ARFGEF1: variants seen among roughly 807,000 people sequenced by gnomAD.
The protein encoded by ARFGEF1 is brefeldin A-inhibited guanine nucleotide-exchange protein 1.
A neutral mutation model predicts 231.0 loss-of-function variants in ARFGEF1; 42 were observed. The ratio of observed to expected loss-of-function variants is 0.18; its 90% confidence interval spans 0.14 to 0.24. ARFGEF1 has a LOEUF of 0.24. ARFGEF1 is among the 10% of genes least tolerant of loss of function. The pLI is 1.00. For synonymous variants in ARFGEF1, 710 were observed against 732.3 expected (o/e 0.97, Z 0.49); for missense variants, 1,345 against 2,192.0 (o/e 0.61, Z 7.72).
rs186306121 is a variant in ARFGEF1 at position 67,278,619 on chromosome 8, G to A, written c.1028-1162C>T. ...TCCCAGCACTTTGGGAGGCCGAGGC[G>A]GGTGGATCACGAGGTCAGGAGTTCG... On this transcript the variant is annotated intron_variant, in intron 7 of 38. Transcript: ENST00000262215. Among the ~76,000 whole-genome samples the A allele has an allele frequency of 3.0e-3, 462 of 152,132 alleles. 13 individuals carry two copies. Among genetic ancestry groups the A allele is most frequent in the Admixed American group, 0.027 (411 of 15,272 alleles).
At chr8:67,201,778 C>G (rs1185136808) in intron 36 of ARFGEF1, 173 bp from the exon 37 acceptor site, 1 of 809,410 alleles carries the variant, frequency 1.2e-6, no homozygotes, top group African/African-American at 1.8e-5. Context: ...AATTCCCTCC[C>G]TATTCAAGCT....
chr8:67,223,646 C>A (rs1009716906), intron 29 of ARFGEF1, among the ~76,000 whole-genome samples: 1 of 152,104 alleles, frequency 6.6e-6, no homozygotes, highest in African/African-American at 2.4e-5. Context: ...TACCCATAAT[C>A]TGAACATGGA....
rs747164390 is a variant in ARFGEF1, at chr8:67,206,410, TAA to T, written c.4820-1593_4820-1592del. Among the ~76,000 whole-genome samples, 207 of 102,022 alleles carry T rather than the reference TAA, an allele frequency of 2.0e-3. 1 individual carries two copies. The highest frequency in any genetic ancestry group is 7.4e-3 in the African/African-American group (189 of 25,490). 66.9% of individuals were successfully genotyped at this position (102,022 alleles called of 152,430 possible). On this transcript the variant is annotated intron_variant, in intron 34 of 38. Coordinates refer to ENST00000262215, the MANE Select transcript of ARFGEF1 (RefSeq NM_006421.5). The stretch of plus-strand genomic sequence containing the variant: ...GGGCAACAGAGCCAGATTTTATCTT[TAA>T]AAAAAAAAAAAAAAAAAAAAAAGTT...
intron 1 of ARFGEF1, among the ~76,000 whole-genome samples, chr8:67,324,208 C>A (rs111642963): frequency 0.023 from 3,516 of 152,222 alleles, 92 homozygotes; most frequent in South Asian, 0.047. Flanking sequence ...GAAGGTGGGG[C>A]GCTTGAACAT....
intron 1 of ARFGEF1, among the ~76,000 whole-genome samples, chr8:67,321,163 G>C (rs1807571628): frequency 6.8e-6 from 1 of 147,568 alleles, no homozygotes; most frequent in South Asian, 2.1e-4. Flanking sequence ...CTATAAGTAT[G>C]GGGGGGGGTT....
downstream of ARFGEF1, among the ~76,000 whole-genome samples, chr8:67,197,245 G>A (rs1838066113): frequency 6.6e-6 from 1 of 152,016 alleles, no homozygotes; most frequent in South Asian, 2.1e-4. Context: ...CCAAGAGTTT[G>A]AGACCAGCCT....
intron 20 of ARFGEF1, among the ~76,000 whole-genome samples, chr8:67,239,191 A>G (rs1247645259): frequency 2.6e-5 from 4 of 151,672 alleles, no homozygotes; most frequent in Non-Finnish European, 5.9e-5. Flanking sequence ...TATCTTTAGT[A>G]GAGACGGGGT....
intron 22 of ARFGEF1, among the ~76,000 whole-genome samples, chr8:67,234,921 C>T (rs1386155883): frequency 6.6e-6 from 1 of 151,704 alleles, no homozygotes; most frequent in African/African-American, 2.4e-5. Context: ...ACTTGACACG[C>T]ACAGCATGTT....
At chr8:67,179,953 A>G in intron 5 of ARFGEF1, 1 of 1,308,146 alleles carries the variant, frequency 7.6e-7, no homozygotes, top group Non-Finnish European at 1.1e-6. Context: ...TATTAAGGCT[A>G]TATTGTTTAA....
intron 1 of ARFGEF1, 30 bp downstream of exon 1, chr8:67,343,134 C>T (rs759700916): frequency 2.6e-6 from 4 of 1,514,304 alleles, no homozygotes; most frequent in Admixed American, 1.8e-5. Context: ...ACAACAAGCA[C>T]CCCATCCCCC....
In ARFGEF1 at chr8:67,197,869, T is replaced by G; in HGVS notation, c.*1065A>C. The G allele has an allele frequency of 1.0e-6, 1 of 985,882 alleles. No homozygotes were observed. The highest frequency in any genetic ancestry group is 1.2e-6 in the Non-Finnish European group (1 of 829,930). 61.1% of individuals were successfully genotyped at this position (985,882 alleles called of 1,614,324 possible). A position where few individuals can be genotyped will look rare whatever the true frequency, so the allele number is the denominator to read the frequency against. On this transcript the variant is annotated 3_prime_UTR_variant, in exon 39 of 39. Transcript: ENST00000262215. Reference sequence around the variant, plus strand: ...GCTTGACAATCTTGTCTTTTAACCATCAGAGCACAATTCACAGTATGAATA... The same window carrying G: ...GCTTGACAATCTTGTCTTTTAACCAGCAGAGCACAATTCACAGTATGAATA...
At position 67,227,324 on chromosome 8, in the gene ARFGEF1, A is replaced by T. The variant is rs1839407075; in HGVS notation, c.3744-15T>A. The T allele has an allele frequency of 2.5e-6, 4 of 1,606,922 alleles. No individual in the cohort carries two copies. Among genetic ancestry groups the T allele is most frequent in the Non-Finnish European group, 3.4e-6 (4 of 1,175,156 alleles). ...TTGTTGGAGACCTAAAAATATTAAT[A>T]TAATTGCTTGGATATGCAAACCGAT... is the stretch of plus-strand genomic sequence containing the variant. On this transcript the variant is annotated splice_polypyrimidine_tract_variant and intron_variant, in intron 26 of 38. Transcript: ENST00000262215.
chr8:67,222,429 C>T (rs907381341), intron 29 of ARFGEF1, among the ~76,000 whole-genome samples: 1 of 151,310 alleles, frequency 6.6e-6, no homozygotes, highest in Admixed American at 6.6e-5. Context: ...CCACACCCGG[C>T]TAATTTTTGT....
In ARFGEF1 at chr8:67,238,338, C is replaced by A; in HGVS notation, c.3289+5G>T. The stretch of plus-strand genomic sequence containing the variant: ...CAATTTTTGATACTTTGTAAAAATT[C>A]TCACCTAGCCCTAAACCCACAAATT... On this transcript the variant is annotated splice_donor_5th_base_variant and intron_variant, in intron 22 of 38. Transcript: ENST00000262215. The A allele has an allele frequency of 6.3e-7, 1 of 1,579,870 alleles. No homozygotes were observed. Among genetic ancestry groups the A allele is most frequent in the Non-Finnish European group, 8.6e-7 (1 of 1,169,132 alleles).
intron 23 of ARFGEF1, among the ~76,000 whole-genome samples, chr8:67,232,217 AAAC>A (rs1839576228): frequency 6.6e-6 from 1 of 152,070 alleles, no homozygotes; most frequent in African/African-American, 2.4e-5. Flanking sequence ...GAAAAAGAAA[AAAC>A]ATTATTGTAA....
intron 32 of ARFGEF1, 31 bp downstream of exon 32, chr8:67,217,751 A>G: frequency 3.1e-6 from 5 of 1,603,254 alleles, no homozygotes; most frequent in Non-Finnish European, 4.3e-6. Context: ...ATATACAAAT[A>G]TAAATGTAAA....
At chr8:67,325,869 A>G (rs564211556) in intron 1 of ARFGEF1, among the ~76,000 whole-genome samples, 1 of 152,298 alleles carries the variant, frequency 6.6e-6, no homozygotes, top group Admixed American at 6.5e-5. Context: ...TAATTTCAGG[A>G]AAGCACTTAT....
intron 1 of ARFGEF1, among the ~76,000 whole-genome samples, chr8:67,314,471 C>T (rs1038631123): frequency 2.0e-5 from 3 of 152,144 alleles, no homozygotes; most frequent in East Asian, 1.9e-4. Context: ...CCCTGTATTT[C>T]GCTTGGCTCA....
At chr8:67,235,100 G>A (rs531518527) in intron 22 of ARFGEF1, among the ~76,000 whole-genome samples, 63 of 146,958 alleles carry the variant, frequency 4.3e-4, no homozygotes, top group East Asian at 3.2e-3. Flanking sequence ...GTGTGTGTGT[G>A]TATATATATA....
Sources: gnomAD v4.1 joint callset for allele counts (sites outside exome capture counted in the v4.1 genomes callset) on GRCh38, gnomAD v4.1.1 for gene constraint, MANE v1.5 for transcripts, NCBI Gene and HGNC (gene_info 2026-07-23, HGNC 2026-07-21) for gene names.